Variants in CRLF3 observed in about 807,000 individuals in gnomAD.
CRLF3 encodes the protein cytokine receptor like factor 3.
Under a neutral mutation model 55.0 loss-of-function variants are expected in CRLF3, and 33 were observed. The observed-to-expected ratio is 0.60, with a 90% CI of 0.46 to 0.80. The LOEUF (loss-of-function observed/expected upper bound fraction) is 0.80, where lower values mean the gene tolerates loss of function less well. Ranked by LOEUF, CRLF3 falls within the 30% of genes least tolerant of loss-of-function variation. The probability of loss-of-function intolerance (pLI) is 0.00; values close to 1 mark genes in which losing one functional copy is unlikely to be tolerated. For synonymous variants in CRLF3, 238 were observed against 196.8 expected, an observed-to-expected ratio of 1.21 and a Z score of -1.75; for missense variants, 494 against 538.4, an observed-to-expected ratio of 0.92 and a Z score of 0.82.
chr17:30,819,504 G>A (rs9915515), intron 1 of CRLF3, among the ~76,000 whole-genome samples: 1 of 152,128 alleles, frequency 6.6e-6, no homozygotes, highest in Non-Finnish European at 1.5e-5. Context: ...TTGAGATGGA[G>A]TCTCGCTCTG....
intron 3 of CRLF3, 129 bp downstream of exon 3, chr17:30,797,182 C>T (rs11657990): frequency 0.13 from 96,608 of 721,226 alleles, 7,385 homozygotes; most frequent in South Asian, 0.25. Flanking sequence ...TAAACCACCA[C>T]GCATGGTCTG....
At chr17:30,808,809 G>A (rs528894120) in intron 1 of CRLF3, among the ~76,000 whole-genome samples, 28 of 151,646 alleles carry the variant, frequency 1.8e-4, no homozygotes, top group African/African-American at 6.5e-4. Flanking sequence ...TGGCCAGGCT[G>A]GTCGCGAACT....
chr17:30,823,219 G>A (rs547483700), intron 1 of CRLF3, among the ~76,000 whole-genome samples: 2 of 151,770 alleles, frequency 1.3e-5, no homozygotes, highest in South Asian at 2.1e-4. Context: ...AAAATTAGCC[G>A]GGTGTGGTGG....
chr17:30,808,718 T>G (rs953635711), intron 1 of CRLF3, among the ~76,000 whole-genome samples: 2 of 151,526 alleles, frequency 1.3e-5, no homozygotes, highest in African/African-American at 4.8e-5. Context: ...TCAGCCCCCC[T>G]AGTAGCTGGG....
intron 2 of CRLF3, among the ~76,000 whole-genome samples, chr17:30,800,309 G>A (rs1252015480): frequency 6.6e-6 from 1 of 152,034 alleles, no homozygotes; most frequent in Non-Finnish European, 1.5e-5. Context: ...TGATATATAT[G>A]CCATTAACTG....
chr17:30,785,832 C>T (rs1971632760), intron 7 of CRLF3, 87 bp downstream of exon 7: 2 of 663,890 alleles, frequency 3.0e-6, no homozygotes, highest in South Asian at 2.1e-5. Flanking sequence ...TCATCTCCTA[C>T]TATAAATGTA....
At chr17:30,810,957 G>A (rs560043820) in intron 1 of CRLF3, among the ~76,000 whole-genome samples, 56 of 151,990 alleles carry the variant, frequency 3.7e-4, no homozygotes, top group African/African-American at 1.3e-3. Flanking sequence ...GTGTGTGGTG[G>A]CATGGCTTGT....
chr17:30,788,909 G>A (rs904912342), intron 6 of CRLF3, among the ~76,000 whole-genome samples: 1 of 151,888 alleles, frequency 6.6e-6, no homozygotes, highest in Non-Finnish European at 1.5e-5. Flanking sequence ...CCCGGCTAAC[G>A]TAGTGCCTTC....
intron 1 of CRLF3, among the ~76,000 whole-genome samples, chr17:30,812,622 A>T (rs532391302): frequency 6.6e-6 from 1 of 152,192 alleles, no homozygotes; most frequent in Non-Finnish European, 1.5e-5. Context: ...GTGGCCCCCA[A>T]TGAACCAGGA....
chr17:30,815,234 C>T (rs1237683038), intron 1 of CRLF3, among the ~76,000 whole-genome samples: 2 of 151,518 alleles, frequency 1.3e-5, no homozygotes, highest in Admixed American at 1.3e-4. Flanking sequence ...TACAAGCACC[C>T]ACCACCAAGC....
chr17:30,786,011 G>T lies in CRLF3; in HGVS notation c.980C>A (p.Pro327Gln), dbSNP rs758285076. Reference protein sequence around the residue: ...LTFRVETVGQPDRRDSIGVCA... With the variant: ...LTFRVETVGQQDRRDSIGVCA... The stretch of plus-strand genomic sequence containing the variant: ...CACTCCTATGCTATCTCTTCTGTCT[G>T]GCTGTCCCACAGTTTCAACTCTGTA... Residue 327 changes from proline (P) to glutamine (Q), a missense_variant, in exon 7 of 8, where the codon CCA becomes CAA. Physicochemically the swap from Pro to Gln is moderately conservative, Grantham distance 76. Transcript: ENST00000324238. 5.0e-6 allele frequency: 8 copies of T among 1,607,770 alleles called. No individual in the cohort carries two copies. Among genetic ancestry groups the T allele is most frequent in the Non-Finnish European group, 6.8e-6 (8 of 1,174,904 alleles).
intron 1 of CRLF3, among the ~76,000 whole-genome samples, chr17:30,821,508 A>G (rs1904997520): frequency 6.6e-6 from 1 of 152,240 alleles, no homozygotes; most frequent in South Asian, 2.1e-4. Flanking sequence ...ATTATTCATA[A>G]TAGTCAAAAG....
rs1481554000 is a variant in CRLF3 at position 30,796,216 on chromosome 17, C to G, written c.547G>C (p.Val183Leu). 2 of 1,613,970 alleles carry G rather than the reference C, an allele frequency of 1.2e-6. No homozygotes were observed. The highest frequency in any genetic ancestry group is 1.7e-6 in the Non-Finnish European group (2 of 1,179,918). ...KHGTVASRPP[V>L]QIEELIEKPG... ...TTCTCTATTAGTTCTTCTATCTGTA[C>G]TGGTGGGCGAGATGCTACTGTTCCA... is the stretch of plus-strand genomic sequence containing the variant. The change falls in exon 4 of 8, where the codon GTA becomes CTA. Residue 183 changes from valine (V) to leucine (L), a missense_variant. Physicochemically the swap from Val to Leu is conservative, Grantham distance 32. Transcript: ENST00000324238.
At chr17:30,824,465 G>A in intron 1 of CRLF3, 58 bp downstream of exon 1, 2 of 1,502,608 alleles carry the variant, frequency 1.3e-6, no homozygotes, top group East Asian at 2.6e-5. Flanking sequence ...CCCAGCCTTC[G>A]CCCGGCATCC....
intron 1 of CRLF3, among the ~76,000 whole-genome samples, chr17:30,816,831 C>G (rs534572925): frequency 2.0e-5 from 3 of 152,196 alleles, no homozygotes; most frequent in Middle Eastern, 3.4e-3. Context: ...TATGTTACAA[C>G]TATCTACAGT....
At position 30,822,302 on chromosome 17, in the gene CRLF3, T is replaced by C. The variant is rs1033173268; in HGVS notation, c.129+2221A>G. Among the ~76,000 whole-genome samples, 22 of 152,270 alleles carry C rather than the reference T, an allele frequency of 1.4e-4. 1 individual carries two copies. Among genetic ancestry groups the C allele is most frequent in the Admixed American group, 1.1e-3 (17 of 15,284 alleles). Reference sequence around the variant, plus strand: ...TTACTTTGATAATATTTTTGTACCATAGACCTTCCTTAAAATGCAAGTTGA... The same window carrying C: ...TTACTTTGATAATATTTTTGTACCACAGACCTTCCTTAAAATGCAAGTTGA... On this transcript the variant is annotated intron_variant, in intron 1 of 7. Transcript: ENST00000324238.
In CRLF3 at chr17:30,783,639, A is replaced by T. The variant is rs1971556785; in HGVS notation, c.*548T>A. The T allele has an allele frequency of 2.0e-5, 3 of 152,208 alleles. No homozygotes were observed. The South Asian group carries it at 6.2e-4, about 32-fold the overall frequency. The allele number at this position is 152,208 out of a possible 1,614,324, so 9.4% of individuals were successfully genotyped here. A position where few individuals can be genotyped will look rare whatever the true frequency, so the allele number is the denominator to read the frequency against. ...TCTCAACAAAAAAAGAAAAAGTTAT[A>T]ATGTTTTGGGGACTTAAAGATTACT... is the stretch of plus-strand genomic sequence containing the variant. On this transcript the variant is annotated 3_prime_UTR_variant, in exon 8 of 8. Coordinates refer to ENST00000324238, the MANE Select transcript of CRLF3 (RefSeq NM_015986.4).
chr17:30,813,802 A>G (rs1904702141), intron 1 of CRLF3, among the ~76,000 whole-genome samples: 1 of 146,158 alleles, frequency 6.8e-6, no homozygotes, highest in South Asian at 2.2e-4. Context: ...TTCTCATTTT[A>G]ATTCCCACAA....
At position 30,815,289 on chromosome 17, in the gene CRLF3, T is replaced by C. The variant is rs1335949434; in HGVS notation, c.129+9234A>G. ...TTAGTAGAGATGGGGTTTCAGCATGTTGGCCAGGCTGGTCTCGAACTCCTG... is the reference window on the plus strand; with the variant it reads ...TTAGTAGAGATGGGGTTTCAGCATGCTGGCCAGGCTGGTCTCGAACTCCTG... On this transcript the variant is annotated intron_variant, in intron 1 of 7. Transcript: ENST00000324238. Among the ~76,000 whole-genome samples, 3 of 151,868 alleles carry C rather than the reference T, an allele frequency of 2.0e-5. No individual in the cohort carries two copies. The East Asian group carries it at 5.9e-4, about 30-fold the overall frequency.
Sources: allele counts gnomAD v4.1 joint callset (sites outside exome capture counted in the v4.1 genomes callset), GRCh38; gene constraint gnomAD v4.1.1; transcripts MANE v1.5; gene names NCBI Gene and HGNC (gene_info 2026-07-23, HGNC 2026-07-21).